Variants in AP2B1 observed in about 807,000 individuals in gnomAD.
AP2B1 encodes the protein adaptor related protein complex 2 subunit beta 1.
In AP2B1, 23 loss-of-function variants were observed where a neutral mutation model predicts 102.0. The observed-to-expected ratio is 0.23, with a 90% CI of 0.16 to 0.32. The LOEUF (loss-of-function observed/expected upper bound fraction) is 0.32. Ranked by LOEUF, AP2B1 falls within the 10% of genes least tolerant of loss-of-function variation. AP2B1 has a pLI of 1.00. For missense variants in AP2B1, 541 were observed against 1,157.4 expected, an observed-to-expected ratio of 0.47 and a Z score of 7.73; for synonymous variants, 381 against 421.2, an observed-to-expected ratio of 0.90 and a Z score of 1.17.
intron 14 of AP2B1, among the ~76,000 whole-genome samples, chr17:35,662,183 G>A (rs527284535): frequency 6.6e-6 from 1 of 152,242 alleles, no homozygotes; most frequent in South Asian, 2.1e-4. Context: ...TTTAAAGAAA[G>A]CAGACATCTT....
chr17:35,657,073 T>C (rs1309369546), intron 13 of AP2B1, among the ~76,000 whole-genome samples: 1 of 152,246 alleles, frequency 6.6e-6, no homozygotes, highest in Admixed American at 6.5e-5. Flanking sequence ...GAGGTTTCTC[T>C]CTGGTAGTTC....
At chr17:35,723,529 A>G in intron 21 of AP2B1, 96 bp from the exon 22 acceptor site, 1 of 761,622 alleles carries the variant, frequency 1.3e-6, no homozygotes, top group Admixed American at 1.9e-5. Context: ...TTTCTCTCCC[A>G]CTGTGTCAAA....
intron 5 of AP2B1, among the ~76,000 whole-genome samples, chr17:35,611,464 CGT>C (rs150048485): frequency 3.8e-4 from 57 of 151,084 alleles, no homozygotes; most frequent in South Asian, 1.3e-3. Context: ...GCAGTAAAGT[CGT>C]GTGTGTGTGT....
chr17:35,723,072 C>T (rs993505994), intron 21 of AP2B1, among the ~76,000 whole-genome samples: 33 of 152,182 alleles, frequency 2.2e-4, no homozygotes, highest in African/African-American at 8.0e-4. Flanking sequence ...AAGTAAGTGT[C>T]TTTTCATGTT....
chr17:35,659,949 G>T, intron 14 of AP2B1: 1 of 985,374 alleles, frequency 1.0e-6, no homozygotes, highest in Non-Finnish European at 1.2e-6. Flanking sequence ...ACCTAAATTT[G>T]CCTGTGTGGA....
chr17:35,658,773 G>A (rs1472769894), intron 14 of AP2B1, among the ~76,000 whole-genome samples: 1 of 152,200 alleles, frequency 6.6e-6, no homozygotes, highest in African/African-American at 2.4e-5. Context: ...ACTCTCTGCT[G>A]CATATACTGG....
chr17:35,667,306 A>G (rs969885518), intron 14 of AP2B1, among the ~76,000 whole-genome samples: 4 of 152,212 alleles, frequency 2.6e-5, no homozygotes, highest in African/African-American at 9.6e-5. Flanking sequence ...GTTAGAAAAC[A>G]TGTATAGTAT....
chr17:35,654,568 G>T (rs570083854), intron 13 of AP2B1, among the ~76,000 whole-genome samples: 2 of 151,982 alleles, frequency 1.3e-5, no homozygotes, highest in African/African-American at 4.8e-5. Context: ...CTCTTCACCC[G>T]TAAGTACTGT....
intron 13 of AP2B1, among the ~76,000 whole-genome samples, chr17:35,654,252 C>A (rs759262729): frequency 2.6e-5 from 4 of 151,514 alleles, no homozygotes; most frequent in African/African-American, 4.9e-5. Flanking sequence ...TTAGTAGAGA[C>A]CGGGTTTCAC....
rs945470380 is a variant in AP2B1 at position 35,596,860 on chromosome 17, C to T, written c.38-1370C>T. The T allele has an allele frequency of 1.3e-5, 9 of 686,006 alleles. 1 individual carries two copies. The highest frequency in any genetic ancestry group is 1.1e-4 in the South Asian group (8 of 72,864). 42.5% of individuals were successfully genotyped at this position (686,006 alleles called of 1,614,324 possible). On this transcript the variant is annotated intron_variant, in intron 2 of 21. Coordinates refer to ENST00000610402, the MANE Select transcript of AP2B1 (RefSeq NM_001030006.2). ...CCCACACCGCACACAGGCCGCCCAG[C>T]AGGAAGAAGCCATATGCTGCTTCGT... is the stretch of plus-strand genomic sequence containing the variant.
At chr17:35,675,319 C>T (rs2142975879) in intron 17 of AP2B1, among the ~76,000 whole-genome samples, 1 of 152,286 alleles carries the variant, frequency 6.6e-6, no homozygotes, top group East Asian at 1.9e-4. Flanking sequence ...ACCCTTAAAG[C>T]AGATTTCATA....
intron 14 of AP2B1, among the ~76,000 whole-genome samples, chr17:35,666,108 C>G (rs2075458608): frequency 6.6e-6 from 1 of 152,060 alleles, no homozygotes; most frequent in African/African-American, 2.4e-5. Context: ...CTTTTGTTAT[C>G]TATAGCTGAA....
At chr17:35,701,490 T>C (rs587620622) in intron 18 of AP2B1, among the ~76,000 whole-genome samples, 5 of 152,348 alleles carry the variant, frequency 3.3e-5, no homozygotes, top group African/African-American at 1.2e-4. Flanking sequence ...TACTTCATAT[T>C]ATACCCCTAA....
chr17:35,679,632 T>C (rs587597499), intron 17 of AP2B1, among the ~76,000 whole-genome samples: 65 of 152,252 alleles, frequency 4.3e-4, no homozygotes, highest in African/African-American at 1.4e-3. Context: ...AGGGACTTTT[T>C]CCCCCTTGTT....
intron 20 of AP2B1, among the ~76,000 whole-genome samples, chr17:35,715,719 T>C (rs915567566): frequency 2.3e-4 from 35 of 152,354 alleles, no homozygotes; most frequent in African/African-American, 7.9e-4. Flanking sequence ...TGAGGCCCCT[T>C]CTTCCAGCAA....
chr17:35,658,968 A>C (rs1453102123), intron 14 of AP2B1, among the ~76,000 whole-genome samples: 3 of 152,098 alleles, frequency 2.0e-5, no homozygotes, highest in African/African-American at 7.2e-5. Context: ...CAAGCTGTGG[A>C]CTCCAGCTTA....
intron 9 of AP2B1, among the ~76,000 whole-genome samples, chr17:35,629,588 T>G (rs1365947357): frequency 1.3e-5 from 2 of 152,236 alleles, no homozygotes; most frequent in Non-Finnish European, 2.9e-5. Flanking sequence ...TATTTTTTGG[T>G]GATGATTGCA....
At chr17:35,666,271 A>G (rs2075462751) in intron 14 of AP2B1, among the ~76,000 whole-genome samples, 1 of 148,996 alleles carries the variant, frequency 6.7e-6, no homozygotes, top group Non-Finnish European at 1.5e-5. Context: ...ATTATTGTGC[A>G]ATGACACATT....
intron 5 of AP2B1, among the ~76,000 whole-genome samples, chr17:35,622,689 G>C (rs2074213645): frequency 6.6e-6 from 1 of 152,216 alleles, no homozygotes; most frequent in East Asian, 1.9e-4. Flanking sequence ...TTTTGAGACG[G>C]AGTCTCACTC....
Sources: gnomAD v4.1 joint callset for allele counts (sites outside exome capture counted in the v4.1 genomes callset) on GRCh38, gnomAD v4.1.1 for gene constraint, MANE v1.5 for transcripts, NCBI Gene and HGNC (gene_info 2026-07-23, HGNC 2026-07-21) for gene names.